Variants in CNBD1 observed in about 807,000 individuals in gnomAD.
CNBD1 encodes the protein cyclic nucleotide binding domain containing 1.
CNBD1 carries 71 observed loss-of-function variants against 54.4 expected under a neutral mutation model. That is an observed-to-expected ratio of 1.30 (90% CI 1.08 to 1.59). The LOEUF is 1.59. Among genes scored for constraint, CNBD1 ranks in the 40% most tolerant of loss-of-function variants. The pLI, the probability that CNBD1 is intolerant of heterozygous loss-of-function variation, is 0.00. For synonymous variants in CNBD1, 182 were observed against 170.7 expected (o/e 1.07, Z -0.51); for missense variants, 659 against 518.0 (o/e 1.27, Z -2.64).
intron 4 of CNBD1, among the ~76,000 whole-genome samples, chr8:87,047,241 C>T (rs748099555): frequency 1.3e-5 from 2 of 152,082 alleles, no homozygotes; most frequent in African/African-American, 4.8e-5. Context: ...TGTGTCTTAT[C>T]CCCAGGGGAT....
chr8:86,920,388 C>T (rs1263393912), intron 3 of CNBD1, among the ~76,000 whole-genome samples: 2 of 152,046 alleles, frequency 1.3e-5, no homozygotes, highest in Non-Finnish European at 2.9e-5. Context: ...GTAACTTAAC[C>T]AGGTAATGGT....
intron 8 of CNBD1, among the ~76,000 whole-genome samples, chr8:87,307,737 CA>C (rs5893017): frequency 1.6e-4 from 22 of 135,822 alleles, no homozygotes; most frequent in African/African-American, 5.2e-4. Flanking sequence ...AACTCCGTCT[CA>C]AAAAAAAAAT....
intron 4 of CNBD1, among the ~76,000 whole-genome samples, chr8:86,960,694 G>C (rs932277386): frequency 3.9e-5 from 6 of 152,194 alleles, no homozygotes; most frequent in Non-Finnish European, 8.8e-5. Context: ...CCTCAAGTGG[G>C]TCCCTGATCC....
intron 1 of CNBD1, among the ~76,000 whole-genome samples, chr8:86,877,849 T>G (rs1808547014): frequency 6.6e-6 from 1 of 152,168 alleles, no homozygotes; most frequent in African/African-American, 2.4e-5. Context: ...CTATTTTCAT[T>G]TGTTATTTTC....
chr8:87,281,310 AG>A (rs1391554282), intron 6 of CNBD1, among the ~76,000 whole-genome samples: 3 of 151,154 alleles, frequency 2.0e-5, no homozygotes, highest in African/African-American at 7.3e-5. Context: ...AGGAGGTTGG[AG>A]GAAATTTTAA....
intron 8 of CNBD1, among the ~76,000 whole-genome samples, chr8:87,344,595 C>A (rs1810132358): frequency 6.6e-6 from 1 of 152,024 alleles, no homozygotes; most frequent in Admixed American, 6.6e-5. Flanking sequence ...CTCTTTACTA[C>A]AAATGGTTTA....
At chr8:87,363,115 G>T (rs1048285925) in intron 10 of CNBD1, among the ~76,000 whole-genome samples, 1 of 152,004 alleles carries the variant, frequency 6.6e-6, no homozygotes, top group African/African-American at 2.4e-5. Flanking sequence ...TTGGTTTTCT[G>T]TTGTTGTGTT....
intron 2 of CNBD1, among the ~76,000 whole-genome samples, chr8:87,388,405 A>C (rs1023319556): frequency 6.6e-6 from 1 of 152,152 alleles, no homozygotes; most frequent in Non-Finnish European, 1.5e-5. Flanking sequence ...ACAATAAAAA[A>C]TGATAAAGGG....
intron 8 of CNBD1, among the ~76,000 whole-genome samples, chr8:87,313,403 G>A (rs964532511): frequency 6.6e-6 from 1 of 152,022 alleles, no homozygotes; most frequent in East Asian, 1.9e-4. Flanking sequence ...ATGTGCTTAA[G>A]CAGTTACACT....
At chr8:86,971,876 A>G (rs1808227682) in intron 4 of CNBD1, among the ~76,000 whole-genome samples, 1 of 152,186 alleles carries the variant, frequency 6.6e-6, no homozygotes, top group Non-Finnish European at 1.5e-5. Context: ...TAAGTAAACA[A>G]TGCAATCTGG....
At chr8:87,089,742 CT>C (rs1439391581) in intron 4 of CNBD1, among the ~76,000 whole-genome samples, 2 of 151,864 alleles carry the variant, frequency 1.3e-5, no homozygotes, top group Non-Finnish European at 2.9e-5. Flanking sequence ...TTATACTTTA[CT>C]TTTTTTTCTC....
At chr8:87,272,061 G>A (rs879011641) in intron 6 of CNBD1, among the ~76,000 whole-genome samples, 2 of 151,944 alleles carry the variant, frequency 1.3e-5, no homozygotes, top group Admixed American at 6.6e-5. Context: ...AAGATAAAAT[G>A]TAGGCTGGTG....
intron 8 of CNBD1, among the ~76,000 whole-genome samples, chr8:87,351,055 C>T (rs1810280165): frequency 6.6e-6 from 1 of 152,130 alleles, no homozygotes; most frequent in South Asian, 2.1e-4. Context: ...TTATATGCCC[C>T]ATGTGGTTTA....
intron 4 of CNBD1, among the ~76,000 whole-genome samples, chr8:86,946,095 A>G (rs893605036): frequency 6.6e-6 from 1 of 152,166 alleles, no homozygotes; most frequent in Non-Finnish European, 1.5e-5. Context: ...GTGAATGTCA[A>G]TCTCCCCTCT....
chr8:87,235,220 T>G (rs78173343), intron 5 of CNBD1, among the ~76,000 whole-genome samples: 2,029 of 152,284 alleles, frequency 0.013, 42 homozygotes, highest in African/African-American at 0.043. Flanking sequence ...AGTATAGCAA[T>G]GAGGCTGTTT....
chr8:86,951,297 A>G (rs1807612162), intron 4 of CNBD1, among the ~76,000 whole-genome samples: 1 of 152,064 alleles, frequency 6.6e-6, no homozygotes, highest in African/African-American at 2.4e-5. Context: ...TGGCAAGAAT[A>G]TAATAGATAG....
intron 5 of CNBD1, among the ~76,000 whole-genome samples, chr8:87,210,879 A>C (rs1417183196): frequency 6.6e-6 from 1 of 152,168 alleles, no homozygotes; most frequent in Non-Finnish European, 1.5e-5. Flanking sequence ...GGCACTACCT[A>C]GTTGGACCTG....
intron 8 of CNBD1, among the ~76,000 whole-genome samples, chr8:87,307,057 T>G (rs1809166951): frequency 6.6e-6 from 1 of 152,218 alleles, no homozygotes; most frequent in African/African-American, 2.4e-5. Context: ...ATTTGTTTTG[T>G]TTTTCCCAGA....
intron 4 of CNBD1, among the ~76,000 whole-genome samples, chr8:86,983,903 A>G (rs1039064396): frequency 1.3e-5 from 2 of 152,220 alleles, no homozygotes; most frequent in Non-Finnish European, 2.9e-5. Context: ...GAGAAATTCA[A>G]GCCAATTGCA....
Sources: gnomAD v4.1 joint callset for allele counts (sites outside exome capture counted in the v4.1 genomes callset) on GRCh38, gnomAD v4.1.1 for gene constraint, MANE v1.5 for transcripts, NCBI Gene and HGNC (gene_info 2026-07-23, HGNC 2026-07-21) for gene names.